Variants in HMG20A observed in about 807,000 individuals in gnomAD.
HMG20A encodes high mobility group 20A, also known as high mobility group protein 20A.
HMG20A carries 17 observed loss-of-function variants against 43.9 expected under a neutral mutation model. The ratio of observed to expected loss-of-function variants is 0.39; its 90% confidence interval spans 0.27 to 0.58. The LOEUF (loss-of-function observed/expected upper bound fraction) is 0.58, where lower values mean the gene tolerates loss of function less well. Among genes scored for constraint, HMG20A ranks in the 20% least tolerant of loss-of-function variants. The probability of loss-of-function intolerance (pLI) is 0.59; values close to 1 mark genes in which losing one functional copy is unlikely to be tolerated. For synonymous variants in HMG20A, 132 were observed against 147.5 expected (o/e 0.89, Z 0.76); for missense variants, 341 against 438.2 (o/e 0.78, Z 1.98).
chr15:77,482,397 G>A (rs1258390302), intron 9 of HMG20A: 1 of 152,042 alleles, frequency 6.6e-6, no homozygotes. Context: ...GGCCATGAGG[G>A]TGATTTTAAG....
chr15:77,489,457 G>A (rs970925062), downstream of HMG20A, among the ~76,000 whole-genome samples: 3 of 152,196 alleles, frequency 2.0e-5, no homozygotes, highest in Admixed American at 6.5e-5. Flanking sequence ...GTTCAAAGCC[G>A]TAGCATGGTA....
the HMG20A span, among the ~76,000 whole-genome samples, chr15:77,509,354 A>C: frequency 1.6e-4 from 25 of 151,880 alleles, no homozygotes; most frequent in Non-Finnish European, 1.5e-5. Flanking sequence ...CTCTGGGCTC[A>C]AGCAATCCTC....
intron 6 of HMG20A, among the ~76,000 whole-genome samples, chr15:77,477,281 A>G (rs2142358368): frequency 6.6e-6 from 1 of 152,336 alleles, no homozygotes; most frequent in East Asian, 1.9e-4. Context: ...AATGGCTTCA[A>G]ATTCTCCATT....
At chr15:77,491,807 T>C in the HMG20A span, among the ~76,000 whole-genome samples, 725 of 152,318 alleles carry the variant, frequency 4.8e-3, 4 homozygotes, top group African/African-American at 0.016. Context: ...ACATTTTTGG[T>C]GTACTCAAGT....
At chr15:77,496,209 C>A in the HMG20A span, among the ~76,000 whole-genome samples, 2 of 152,182 alleles carry the variant, frequency 1.3e-5, no homozygotes, top group Admixed American at 6.5e-5. Flanking sequence ...TCATTGTGTT[C>A]TTGGATATAA....
the HMG20A span, among the ~76,000 whole-genome samples, chr15:77,491,843 T>C: frequency 6.6e-6 from 1 of 152,224 alleles, no homozygotes; most frequent in Admixed American, 6.5e-5. Context: ...GAACACAGGT[T>C]ATATCCAGGG....
At chr15:77,434,419 CTT>C (rs1173260194) in intron 1 of HMG20A, among the ~76,000 whole-genome samples, 6 of 150,024 alleles carry the variant, frequency 4.0e-5, no homozygotes, top group African/African-American at 7.4e-5. Flanking sequence ...AAATTAAAAA[CTT>C]ATCTTCAAAA....
intron 1 of HMG20A, among the ~76,000 whole-genome samples, chr15:77,451,266 T>C (rs1165445444): frequency 6.6e-6 from 1 of 152,228 alleles, no homozygotes; most frequent in Non-Finnish European, 1.5e-5. Context: ...TCCATTCATT[T>C]GGGTAAATAT....
the HMG20A span, among the ~76,000 whole-genome samples, chr15:77,515,924 G>A: frequency 5.9e-5 from 9 of 152,252 alleles, no homozygotes; most frequent in Admixed American, 5.9e-4. Context: ...GTGGGGAGAA[G>A]AGGAGCCTGC....
chr15:77,504,829 C>T, the HMG20A span, among the ~76,000 whole-genome samples: 16 of 152,284 alleles, frequency 1.1e-4, no homozygotes, highest in African/African-American at 3.6e-4. Context: ...AGTGCTGGCC[C>T]CGCCACTCAC....
the HMG20A span, among the ~76,000 whole-genome samples, chr15:77,503,298 A>G: frequency 1.3e-5 from 2 of 152,186 alleles, no homozygotes; most frequent in African/African-American, 4.8e-5. Flanking sequence ...TATCAAAACC[A>G]TCAGTTTTGC....
At chr15:77,518,787 C>T in the HMG20A span, among the ~76,000 whole-genome samples, 1 of 152,218 alleles carries the variant, frequency 6.6e-6, no homozygotes, top group Non-Finnish European at 1.5e-5. Flanking sequence ...GGAGGGAAAG[C>T]TGGGAGCACA....
chr15:77,516,812 A>G, the HMG20A span, among the ~76,000 whole-genome samples: 5 of 152,172 alleles, frequency 3.3e-5, no homozygotes, highest in African/African-American at 1.2e-4. Context: ...GAAGTGAGAC[A>G]CAGCCTGGTT....
At chr15:77,513,576 G>A in the HMG20A span, among the ~76,000 whole-genome samples, 1 of 152,126 alleles carries the variant, frequency 6.6e-6, no homozygotes, top group Non-Finnish European at 1.5e-5. Flanking sequence ...GACCGGGTTG[G>A]CTTCTGGTGA....
chr15:77,433,605 C>T (rs918388521), intron 1 of HMG20A, among the ~76,000 whole-genome samples: 1 of 152,140 alleles, frequency 6.6e-6, no homozygotes, highest in African/African-American at 2.4e-5. Context: ...AATCTATAGA[C>T]AAACTATTAG....
At chr15:77,451,645 A>G (rs2072603313) in intron 1 of HMG20A, among the ~76,000 whole-genome samples, 1 of 152,218 alleles carries the variant, frequency 6.6e-6, no homozygotes, top group African/African-American at 2.4e-5. Context: ...AATTGTGGGC[A>G]TCTACAAATT....
chr15:77,497,504 G>T, the HMG20A span, among the ~76,000 whole-genome samples: 1 of 152,246 alleles, frequency 6.6e-6, no homozygotes, highest in Non-Finnish European at 1.5e-5. Flanking sequence ...AGGGGCCTCA[G>T]AGCTGGCACA....
At chr15:77,422,548 G>A (rs925421330) in intron 1 of HMG20A, among the ~76,000 whole-genome samples, 6 of 152,210 alleles carry the variant, frequency 3.9e-5, no homozygotes, top group Non-Finnish European at 5.9e-5. Context: ...CCCGGGAGGC[G>A]GAGGTTGCAG....
chr15:77,450,745 C>T (rs928240817), intron 1 of HMG20A, among the ~76,000 whole-genome samples: 8 of 152,206 alleles, frequency 5.3e-5, no homozygotes, highest in Admixed American at 6.5e-5. Flanking sequence ...AACTAATTAT[C>T]GTGTGCCAGT....
Sources: allele counts gnomAD v4.1 joint callset (sites outside exome capture counted in the v4.1 genomes callset), GRCh38; gene constraint gnomAD v4.1.1; transcripts MANE v1.5; gene names NCBI Gene and HGNC (gene_info 2026-07-23, HGNC 2026-07-21).